Variants in E2F3 observed in about 807,000 individuals in gnomAD.
E2F3 encodes transcription factor E2F3.
Under a neutral mutation model 44.4 loss-of-function variants are expected in E2F3, and 11 were observed. The observed-to-expected ratio is 0.25, with a 90% CI of 0.16 to 0.41. The LOEUF is 0.41. E2F3 is among the 10% of genes least tolerant of loss of function. E2F3 has a pLI of 1.00. For synonymous variants in E2F3, 249 were observed against 253.0 expected, an observed-to-expected ratio of 0.98 and a Z score of 0.15; for missense variants, 487 against 583.6, an observed-to-expected ratio of 0.83 and a Z score of 1.70.
intron 1 of E2F3, among the ~76,000 whole-genome samples, chr6:20,441,120 C>T (rs1307082840): frequency 2.0e-5 from 3 of 152,268 alleles, no homozygotes; most frequent in East Asian, 3.9e-4. Context: ...AGATTTTTTT[C>T]ACCGTCTCTA....
At chr6:20,471,381 G>A (rs1761884857) in intron 1 of E2F3, among the ~76,000 whole-genome samples, 1 of 152,102 alleles carries the variant, frequency 6.6e-6, no homozygotes, top group Non-Finnish European at 1.5e-5. Context: ...TCAGGAGTTC[G>A]AGACTAGCCT....
chr6:20,447,352 G>GAGAGAA (rs1001137282), intron 1 of E2F3, among the ~76,000 whole-genome samples: 5 of 151,866 alleles, frequency 3.3e-5, no homozygotes, highest in Admixed American at 6.6e-5. Context: ...GAGAGAGAGA[G>GAGAGAA]AGAGAAAGAG....
chr6:20,408,527 CTT>C (rs1309104646), intron 1 of E2F3, among the ~76,000 whole-genome samples: 1 of 152,202 alleles, frequency 6.6e-6, no homozygotes, highest in African/African-American at 2.4e-5. Flanking sequence ...TACAATATAA[CTT>C]TTAAAAAATA....
chr6:20,429,794 A>G (rs971717767), intron 1 of E2F3, among the ~76,000 whole-genome samples: 1 of 152,158 alleles, frequency 6.6e-6, no homozygotes, highest in African/African-American at 2.4e-5. Flanking sequence ...TTACACAAAT[A>G]AAATGTGTGC....
At chr6:20,485,374 T>A (rs1762358334) in intron 4 of E2F3, among the ~76,000 whole-genome samples, 1 of 151,706 alleles carries the variant, frequency 6.6e-6, no homozygotes, top group African/African-American at 2.4e-5. Flanking sequence ...AGTCCAGGAG[T>A]TCAAGACCAG....
At chr6:20,417,591 A>T (rs1026767953) in intron 1 of E2F3, among the ~76,000 whole-genome samples, 1 of 123,246 alleles carries the variant, frequency 8.1e-6, no homozygotes, top group African/African-American at 5.2e-5. Flanking sequence ...ATGGATTTAA[A>T]AAAAAAAAAA....
At chr6:20,463,213 G>A (rs1290819179) in intron 1 of E2F3, among the ~76,000 whole-genome samples, 1 of 152,032 alleles carries the variant, frequency 6.6e-6, no homozygotes, top group Non-Finnish European at 1.5e-5. Context: ...GAGCCCCACT[G>A]CACCAGGCCA....
At chr6:20,432,981 A>G (rs1168527555) in intron 1 of E2F3, among the ~76,000 whole-genome samples, 2 of 152,162 alleles carry the variant, frequency 1.3e-5, no homozygotes, top group African/African-American at 2.4e-5. Flanking sequence ...CCTTGCTACC[A>G]TCTGGTCTGC....
chr6:20,484,741 A>C (rs1762334359), intron 4 of E2F3, among the ~76,000 whole-genome samples: 1 of 152,206 alleles, frequency 6.6e-6, no homozygotes, highest in South Asian at 2.1e-4. Context: ...ATTTCGTGTG[A>C]ATGTGCTTTC....
rs377386959 is a variant in E2F3 at position 20,468,188 on chromosome 6, C to T, written c.394-11658C>T. Among the ~76,000 whole-genome samples, 7 of 152,324 alleles carry T rather than the reference C, an allele frequency of 4.6e-5. No homozygotes were observed. The East Asian group carries it at 1.2e-3, about 25-fold the overall frequency. On this transcript the variant is annotated intron_variant, in intron 1 of 6. Transcript: ENST00000346618. The stretch of plus-strand genomic sequence containing the variant: ...CAATTCAATTCTGACACCATCTACC[C>T]AGAGAAGTGTCACATCACACAGATT...
At chr6:20,437,554 C>T (rs1760631388) in intron 1 of E2F3, among the ~76,000 whole-genome samples, 2 of 151,340 alleles carry the variant, frequency 1.3e-5, no homozygotes, top group Non-Finnish European at 1.5e-5. Context: ...TATAATAATT[C>T]TAAAAATGTA....
At chr6:20,466,976 G>A (rs571154595) in intron 1 of E2F3, among the ~76,000 whole-genome samples, 6 of 152,188 alleles carry the variant, frequency 3.9e-5, no homozygotes, top group African/African-American at 1.2e-4. Flanking sequence ...AACCGCGCCC[G>A]GCCCAGTGTG....
intron 1 of E2F3, among the ~76,000 whole-genome samples, chr6:20,476,913 C>T (rs866404282): frequency 1.3e-5 from 2 of 152,138 alleles, no homozygotes; most frequent in South Asian, 2.1e-4. Context: ...ATTGTCCTTC[C>T]GGAGCCATTA....
At chr6:20,432,867 C>T (rs1256487550) in intron 1 of E2F3, among the ~76,000 whole-genome samples, 1 of 152,176 alleles carries the variant, frequency 6.6e-6, no homozygotes, top group Non-Finnish European at 1.5e-5. Context: ...TGCCTCAGGG[C>T]CTTTGCACTT....
chr6:20,456,920 C>T (rs567984361), intron 1 of E2F3, among the ~76,000 whole-genome samples: 7 of 152,230 alleles, frequency 4.6e-5, no homozygotes, highest in African/African-American at 1.7e-4. Context: ...CTTTGAAGTT[C>T]ATTTGGGGTC....
At position 20,490,024 on chromosome 6, in the gene E2F3, G is replaced by A; in HGVS notation, c.1136-144G>A. The A allele has an allele frequency of 1.1e-6, 1 of 892,962 alleles. No individual in the cohort carries two copies. The highest frequency in any genetic ancestry group is 1.6e-6 in the Non-Finnish European group (1 of 607,486). The allele number at this position is 892,962 out of a possible 1,614,324, so 55.3% of individuals were successfully genotyped here. On this transcript the variant is annotated intron_variant, in intron 6 of 6. Coordinates refer to ENST00000346618, the MANE Select transcript of E2F3 (RefSeq NM_001949.5). This position sits in a 1 kb window ranked among gnomAD's most constrained non-coding sequence, Gnocchi z 4.3. Reference sequence around the variant, plus strand: ...TTTTTTGTACCTGTTAGCATAAAAGGTGATCTGCATCATAAAGTCGTCTCA... The same window carrying A: ...TTTTTTGTACCTGTTAGCATAAAAGATGATCTGCATCATAAAGTCGTCTCA...
intron 1 of E2F3, among the ~76,000 whole-genome samples, chr6:20,433,026 A>AC (rs2127593731): frequency 6.6e-6 from 1 of 152,122 alleles, no homozygotes; most frequent in Admixed American, 6.5e-5. Context: ...TGTTTTATTA[A>AC]CATTCATCAC....
Position 20,492,790 on chromosome 6 carries a change from T to C in E2F3, c.*2360T>C. ...TTAACTGGTGTACATTAATTAGATG[T>C]CCATACTGTATTTTGTTTGCATTAA... On this transcript the variant is annotated 3_prime_UTR_variant, in exon 7 of 7. Coordinates refer to ENST00000346618, the MANE Select transcript of E2F3 (RefSeq NM_001949.5). 1 of 229,006 alleles carries C rather than the reference T, an allele frequency of 4.4e-6. No individual in the cohort carries two copies. The highest frequency in any genetic ancestry group is 6.2e-5 in the East Asian group (1 of 16,004). 14.2% of individuals were successfully genotyped at this position (229,006 alleles called of 1,614,324 possible). A position where few individuals can be genotyped will look rare whatever the true frequency, so the allele number is the denominator to read the frequency against.
intron 4 of E2F3, among the ~76,000 whole-genome samples, chr6:20,485,729 A>G (rs1375471583): frequency 6.6e-6 from 1 of 152,234 alleles, no homozygotes; most frequent in Non-Finnish European, 1.5e-5. Context: ...GAGTTAATAT[A>G]GTATCACGCA....
Sources: allele counts gnomAD v4.1 joint callset (sites outside exome capture counted in the v4.1 genomes callset), GRCh38; gene constraint gnomAD v4.1.1; non-coding constraint Gnocchi (gnomAD v3.1); transcripts MANE v1.5; gene names NCBI Gene and HGNC (gene_info 2026-07-23, HGNC 2026-07-21).